Variants in RYR2 observed in about 807,000 individuals in gnomAD.
RYR2 encodes cardiac muscle ryanodine receptor-calcium release channel.
RYR2 carries 227 observed loss-of-function variants against 601.1 expected under a neutral mutation model. That is an observed-to-expected ratio of 0.38 (90% CI 0.34 to 0.42). RYR2 has a LOEUF of 0.42. RYR2 is among the 10% of genes least tolerant of loss of function. The pLI is 1.00. For missense variants in RYR2, 4,646 were observed against 6,156.5 expected, an observed-to-expected ratio of 0.75 and a Z score of 8.21; for synonymous variants, 2,223 against 2,175.1, an observed-to-expected ratio of 1.02 and a Z score of -0.61.
chr1:237,584,891 T>A (rs1200007238), intron 29 of RYR2, among the ~76,000 whole-genome samples: 2 of 137,018 alleles, frequency 1.5e-5, no homozygotes, highest in African/African-American at 5.2e-5. Context: ...GTGCCCAGAG[T>A]CAACCTAATT....
rs1390457488 is a variant in RYR2 at position 237,639,183 on chromosome 1, G to A, written c.7097G>A (p.Ser2366Asn). The A allele has an allele frequency of 2.5e-6, 4 of 1,613,152 alleles. No homozygotes were observed. Among genetic ancestry groups the A allele is most frequent in the Non-Finnish European group, 3.4e-6 (4 of 1,179,418 alleles). ...TCCCGAGATGGTCCCTCACCAAATA[G>A]CGGATCCAGTAAAACACTGTAGGTC... ...DPSRDGPSPNSGSSKTLDTEE... is the reference protein window; with the variant it reads ...DPSRDGPSPNNGSSKTLDTEE... Residue 2366 changes from serine to asparagine, a missense_variant, in exon 46 of 105, where the codon AGC (serine) becomes AAC (asparagine). This residue lies in a region of RYR2 where 1,497 missense variants were observed against 1,842.6 expected (regional missense o/e 0.81). Transcript: ENST00000366574.
intron 88 of RYR2, among the ~76,000 whole-genome samples, chr1:237,779,231 A>T (rs1694902551): frequency 6.6e-6 from 1 of 152,208 alleles, no homozygotes; most frequent in Admixed American, 6.5e-5. Flanking sequence ...CAGTGTATTT[A>T]ATTTTGTGAC....
intron 12 of RYR2, among the ~76,000 whole-genome samples, chr1:237,430,416 G>A (rs1267458037): frequency 6.6e-6 from 1 of 151,732 alleles, no homozygotes; most frequent in African/African-American, 2.4e-5. Context: ...TAATATTAAA[G>A]GTATTACAAA....
chr1:237,097,710 G>A (rs1057012833), intron 1 of RYR2, among the ~76,000 whole-genome samples: 5 of 152,126 alleles, frequency 3.3e-5, no homozygotes, highest in South Asian at 2.1e-4. Context: ...CCATTGCACC[G>A]TTTCTGGGGA....
chr1:237,806,575 T>C (rs1344400673), intron 99 of RYR2, among the ~76,000 whole-genome samples: 1 of 152,196 alleles, frequency 6.6e-6, no homozygotes, highest in Non-Finnish European at 1.5e-5. Context: ...ACACAGCCCC[T>C]GGCCCATATC....
chr1:237,801,367 CAAAAAAAAAAAA>C (rs71162423), intron 97 of RYR2, among the ~76,000 whole-genome samples: 1 of 95,514 alleles, frequency 1.0e-5, no homozygotes, highest in Non-Finnish European at 2.1e-5. Flanking sequence ...CCCATCTCTA[CAAAAAAAAAAAA>C]AAAAAAAAAA....
Position 237,405,202 on chromosome 1 carries a change from G to A in RYR2, c.774-11847G>A, listed in dbSNP as rs184299199. Among the ~76,000 whole-genome samples, 282 of 152,266 alleles carry A rather than the reference G, an allele frequency of 1.9e-3. 1 individual carries two copies. The highest frequency in any genetic ancestry group is 6.4e-3 in the African/African-American group (267 of 41,544). ...TTGGGAATGAGGACATATAGTAAAGGACTGACCCTAAATTGTAGAGATGAG... is the reference window on the plus strand; with the variant it reads ...TTGGGAATGAGGACATATAGTAAAGAACTGACCCTAAATTGTAGAGATGAG... On this transcript the variant is annotated intron_variant, in intron 10 of 104. Transcript: ENST00000366574.
intron 89 of RYR2, among the ~76,000 whole-genome samples, chr1:237,782,932 T>C (rs545416839): frequency 2.0e-5 from 3 of 152,320 alleles, no homozygotes; most frequent in African/African-American, 2.4e-5. Flanking sequence ...TTACTGCTTC[T>C]CCGATTGACT....
chr1:237,577,286 A>T (rs1271080101), intron 29 of RYR2, among the ~76,000 whole-genome samples: 1 of 152,212 alleles, frequency 6.6e-6, no homozygotes, highest in Non-Finnish European at 1.5e-5. Context: ...GTCCCAAAAG[A>T]TAACTATGGT....
intron 2 of RYR2, among the ~76,000 whole-genome samples, chr1:237,281,798 ATT>A (rs1233304082): frequency 1.3e-5 from 2 of 152,182 alleles, no homozygotes; most frequent in African/African-American, 4.8e-5. Context: ...CAGAATAGGG[ATT>A]GTGGTTTTGA....
At chr1:237,115,599 T>C (rs1050972799) in intron 1 of RYR2, among the ~76,000 whole-genome samples, 2 of 152,198 alleles carry the variant, frequency 1.3e-5, no homozygotes, top group African/African-American at 4.8e-5. Context: ...TTAGTTATAA[T>C]TACTACCAAA....
chr1:237,491,851 C>G lies in RYR2; in HGVS notation c.1754C>G (p.Ala585Gly). ...TGTGTTTTAGTAGAAAGTCCAGAAG[C>G]TCTAAATATTATTAAAGAAGGACAT... Reference protein sequence around the residue: ...LHCVLVESPEALNIIKEGHIK... With the variant: ...LHCVLVESPEGLNIIKEGHIK... Residue 585 changes from alanine to glycine, a missense_variant, in exon 18 of 105, where the codon GCT (alanine) becomes GGT (glycine). By Grantham distance (60) the Ala-to-Gly change is moderately conservative (BLOSUM62 0). Coordinates refer to ENST00000366574, the MANE Select transcript of RYR2 (RefSeq NM_001035.3). 6.7e-7 allele frequency: 1 copy of G among 1,485,354 alleles called. No individual in the cohort carries two copies. Among genetic ancestry groups the G allele is most frequent in the South Asian group, 1.2e-5 (1 of 82,418 alleles). The allele number at this position is 1,485,354 out of a possible 1,614,324, so 92.0% of individuals were successfully genotyped here.
intron 38 of RYR2, among the ~76,000 whole-genome samples, chr1:237,619,868 A>T (rs929024031): frequency 5.9e-5 from 9 of 152,216 alleles, no homozygotes; most frequent in Admixed American, 2.0e-4. Flanking sequence ...AATACTCTTA[A>T]GGAACGAAGG....
chr1:237,336,550 G>A (rs1697249631), intron 3 of RYR2, among the ~76,000 whole-genome samples: 2 of 152,200 alleles, frequency 1.3e-5, no homozygotes, highest in African/African-American at 2.4e-5. Context: ...GCTGTAGAAT[G>A]TGGAGTAGTA....
intron 27 of RYR2, 117 bp from the exon 28 acceptor site, chr1:237,566,450 G>C (rs199498906): frequency 9.8e-7 from 1 of 1,016,758 alleles, no homozygotes; most frequent in South Asian, 1.7e-5. Context: ...TATCATCATC[G>C]CTCTAGGTTG....
chr1:237,420,042 A>G (rs527564862), intron 11 of RYR2, among the ~76,000 whole-genome samples: 2 of 151,874 alleles, frequency 1.3e-5, no homozygotes, highest in East Asian at 3.9e-4. Context: ...GTGAGATCCT[A>G]TACTATATAT....
intron 17 of RYR2, among the ~76,000 whole-genome samples, chr1:237,478,500 G>C (rs779338889): frequency 7.2e-5 from 11 of 152,180 alleles, no homozygotes; most frequent in Non-Finnish European, 1.5e-4. Flanking sequence ...GTAGCTACAA[G>C]ATTAATTTGA....
intron 16 of RYR2, among the ~76,000 whole-genome samples, chr1:237,458,408 G>C (rs913397791): frequency 5.9e-5 from 9 of 152,146 alleles, no homozygotes; most frequent in Admixed American, 2.6e-4. Context: ...CAGCCTAGGT[G>C]ACAGAATGAG....
In RYR2 at chr1:237,830,644, T is replaced by C. The variant is rs1201462862; in HGVS notation, c.14756+14T>C. The C allele has an allele frequency of 7.2e-6, 10 of 1,379,562 alleles. No homozygotes were observed. Among genetic ancestry groups the C allele is most frequent in the Non-Finnish European group, 1.0e-5 (10 of 968,142 alleles). The allele number at this position is 1,379,562 out of a possible 1,614,324, so 85.5% of individuals were successfully genotyped here. ...GGCTAATTACTTGTGAGTGTGCCCG[T>C]TTCAGAATCTTCCACCTCTCCAGTA... On this transcript the variant is annotated intron_variant, in intron 103 of 104. Coordinates refer to ENST00000366574, the MANE Select transcript of RYR2 (RefSeq NM_001035.3).
Sources: gnomAD v4.1 joint callset for allele counts (sites outside exome capture counted in the v4.1 genomes callset) on GRCh38, gnomAD v4.1.1 for gene constraint, gnomAD v4.1.1 regional missense constraint, MANE v1.5 for transcripts, NCBI Gene and HGNC (gene_info 2026-07-23, HGNC 2026-07-21) for gene names.